The following KLRD1 variants were observed in gnomAD, a reference collection of about 807,000 sequenced individuals.
The protein encoded by KLRD1 is killer cell lectin like receptor D1, also known as natural killer cells antigen CD94.
A neutral mutation model predicts 22.6 loss-of-function variants in KLRD1; 21 were observed. The ratio of observed to expected loss-of-function variants is 0.93; its 90% CI spans 0.66 to 1.34. KLRD1 has a LOEUF of 1.34. Ranked by LOEUF, KLRD1 falls within the 40% of genes most tolerant of loss-of-function variation. The pLI, the probability that KLRD1 is intolerant of heterozygous loss-of-function variation, is 0.00. For synonymous variants in KLRD1, 59 were observed against 71.1 expected, an observed-to-expected ratio of 0.83 and a Z score of 0.85; for missense variants, 183 against 208.6, an observed-to-expected ratio of 0.88 and a Z score of 0.76.
At chr12:10,313,648 A>C (rs1172389329) in intron 5 of KLRD1, 135 bp downstream of exon 5, 1 of 482,622 alleles carries the variant, frequency 2.1e-6, no homozygotes, top group East Asian at 3.3e-5. Flanking sequence ...AAAAGGAAAA[A>C]GTACAACAAA....
chr12:10,242,834 A>G (rs1949253868), intron 1 of KLRD1, among the ~76,000 whole-genome samples: 1 of 152,158 alleles, frequency 6.6e-6, no homozygotes, highest in African/African-American at 2.4e-5. Flanking sequence ...GTCCATTTGC[A>G]TGTCTTCTTT....
chr12:10,295,325 C>G (rs1045981504), intron 1 of KLRD1, among the ~76,000 whole-genome samples: 1 of 152,020 alleles, frequency 6.6e-6, no homozygotes, highest in Non-Finnish European at 1.5e-5. Flanking sequence ...AAAGTTGTCT[C>G]TGTCTCCCTT....
upstream of KLRD1, chr12:10,307,838 C>T (rs2137687176): frequency 6.5e-6 from 3 of 458,528 alleles, no homozygotes; most frequent in South Asian, 8.6e-5. Context: ...GTTCCTGGAA[C>T]ACTTCAGAGG....
chr12:10,281,348 A>G (rs1188497581), intron 1 of KLRD1, among the ~76,000 whole-genome samples: 1 of 152,194 alleles, frequency 6.6e-6, no homozygotes, highest in African/African-American at 2.4e-5. Flanking sequence ...AAACTGTAAG[A>G]GAATAATTTT....
intron 1 of KLRD1, among the ~76,000 whole-genome samples, chr12:10,257,355 T>C (rs868193804): frequency 6.6e-6 from 1 of 151,162 alleles, no homozygotes; most frequent in African/African-American, 2.4e-5. Flanking sequence ...TTATAATGGG[T>C]ATATTGGTCT....
intron 4 of KLRD1, among the ~76,000 whole-genome samples, chr12:10,312,718 A>G (rs1177031092): frequency 6.7e-6 from 1 of 148,936 alleles, no homozygotes; most frequent in Non-Finnish European, 1.5e-5. Context: ...GGCCGGGCGC[A>G]GTGGCTGAAA....
At chr12:10,295,332 C>T (rs1397178622) in intron 1 of KLRD1, among the ~76,000 whole-genome samples, 1 of 151,544 alleles carries the variant, frequency 6.6e-6, no homozygotes, top group Admixed American at 6.6e-5. Flanking sequence ...TCTCTGTCTC[C>T]CTTGTGACAC....
At chr12:10,258,967 G>A (rs1429451574) in intron 1 of KLRD1, among the ~76,000 whole-genome samples, 3 of 152,180 alleles carry the variant, frequency 2.0e-5, no homozygotes, top group Admixed American at 6.5e-5. Flanking sequence ...AGCAAAAGGA[G>A]CAATGAGCAG....
chr12:10,328,529 G>A lies in KLRD1; in HGVS notation c.*13736G>A, dbSNP rs1950381407. 6.6e-6 allele frequency: 1 copy of A among 151,600 alleles called. No individual in the cohort carries two copies. Among genetic ancestry groups the A allele is most frequent in the African/African-American group, 2.4e-5 (1 of 41,272 alleles). 9.4% of individuals were successfully genotyped at this position (151,600 alleles called of 1,614,324 possible). A position where few individuals can be genotyped will look rare whatever the true frequency, so the allele number is the denominator to read the frequency against. On this transcript the variant is annotated 3_prime_UTR_variant, in exon 6 of 6. Coordinates refer to ENST00000336164, the MANE Select transcript of KLRD1 (RefSeq NM_002262.5). ...TTATTTCTGATTTCATTTATTTAAG[G>A]CCTCTCTTCTTTTTCTTAGTCTAGC...
chr12:10,268,859 A>G (rs1949523723), intron 1 of KLRD1, among the ~76,000 whole-genome samples: 3 of 152,198 alleles, frequency 2.0e-5, no homozygotes, highest in Non-Finnish European at 4.4e-5. Context: ...TCTCCTATTG[A>G]AACATCTCTT....
chr12:10,252,189 C>T (rs1375808787), intron 1 of KLRD1, among the ~76,000 whole-genome samples: 1 of 152,144 alleles, frequency 6.6e-6, no homozygotes, highest in South Asian at 2.1e-4. Context: ...ATAATCCCAG[C>T]ACTTTGGGAG....
At chr12:10,255,883 ATTG>A (rs766477876) in intron 1 of KLRD1, among the ~76,000 whole-genome samples, 9 of 151,814 alleles carry the variant, frequency 5.9e-5, no homozygotes, top group Non-Finnish European at 1.3e-4. Flanking sequence ...CTACTTTCTT[ATTG>A]TTCTGGTTGT....
At chr12:10,244,422 C>G (rs1949271873) in intron 1 of KLRD1, among the ~76,000 whole-genome samples, 1 of 152,052 alleles carries the variant, frequency 6.6e-6, no homozygotes, top group Non-Finnish European at 1.5e-5. Flanking sequence ...GTATCAAGCT[C>G]TAGAAACCAG....
chr12:10,240,783 C>T lies in KLRD1; in HGVS notation c.-101+14550C>T, dbSNP rs142550900. On this transcript the variant is annotated intron_variant, in intron 1 of 5. Transcript: ENST00000544747. Reference sequence around the variant, plus strand: ...ATTTTTAAGTACATTTAAGTCAGTACATTTTCTGTTTTTAAGTAAATTATA... The same window carrying T: ...ATTTTTAAGTACATTTAAGTCAGTATATTTTCTGTTTTTAAGTAAATTATA... Among the ~76,000 whole-genome samples the T allele has an allele frequency of 2.6e-4, 39 of 152,270 alleles. 1 individual carries two copies. Among genetic ancestry groups the T allele is most frequent in the African/African-American group, 8.9e-4 (37 of 41,542 alleles).
intron 1 of KLRD1, among the ~76,000 whole-genome samples, chr12:10,264,400 C>T (rs750663908): frequency 3.9e-5 from 6 of 152,122 alleles, no homozygotes; most frequent in Admixed American, 6.5e-5. Flanking sequence ...GTATTCACTA[C>T]ACTTAAACTA....
intron 5 of KLRD1, among the ~76,000 whole-genome samples, chr12:10,314,441 A>G (rs1224223974): frequency 1.3e-5 from 2 of 152,196 alleles, no homozygotes; most frequent in Non-Finnish European, 2.9e-5. Context: ...CAACAGAAAA[A>G]CAGCAAGGAA....
rs577372206 is a variant in KLRD1, at chr12:10,323,271, T to C, written c.*8478T>C. Reference sequence around the variant, plus strand: ...AGTGATAATTTATTCATAAAGCTTATTTATAATTTCACTGGCAGTTTATGT... The same window carrying C: ...AGTGATAATTTATTCATAAAGCTTACTTATAATTTCACTGGCAGTTTATGT... On this transcript the variant is annotated 3_prime_UTR_variant, in exon 6 of 6. Coordinates refer to ENST00000336164, the MANE Select transcript of KLRD1 (RefSeq NM_002262.5). The C allele has an allele frequency of 1.3e-5, 2 of 152,362 alleles. No homozygotes were observed. Among genetic ancestry groups the C allele is most frequent in the East Asian group, 3.8e-4 (2 of 5,196 alleles). 9.4% of individuals were successfully genotyped at this position (152,362 alleles called of 1,614,324 possible).
rs1950270595 is a variant in KLRD1, at chr12:10,318,146, T to C, written c.*3353T>C. ...ATATTGCATGCATAAGAAAGTGAGT[T>C]ATTTTACAGCTGAACTGGGACAGCT... is the stretch of plus-strand genomic sequence containing the variant. On this transcript the variant is annotated 3_prime_UTR_variant, in exon 6 of 6. Coordinates refer to ENST00000336164, the MANE Select transcript of KLRD1 (RefSeq NM_002262.5). 6.6e-6 allele frequency: 1 copy of C among 152,206 alleles called. No individual in the cohort carries two copies. Among genetic ancestry groups the C allele is most frequent in the Non-Finnish European group, 1.5e-5 (1 of 68,034 alleles). The allele number at this position is 152,206 out of a possible 1,614,324, so 9.4% of individuals were successfully genotyped here.
rs1012350892 is a variant in KLRD1, at chr12:10,320,534, T to C, written c.*5741T>C. ...CAACTAGAGTGTTGAATATCTTGTC[T>C]GATTTCTTCCTACTACTTATATTAC... On this transcript the variant is annotated 3_prime_UTR_variant, in exon 6 of 6. Transcript: ENST00000336164. The C allele has an allele frequency of 6.6e-6, 1 of 152,234 alleles. No homozygotes were observed. The highest frequency in any genetic ancestry group is 2.4e-5 in the African/African-American group (1 of 41,458). The allele number at this position is 152,234 out of a possible 1,614,324, so 9.4% of individuals were successfully genotyped here. A position where few individuals can be genotyped will look rare whatever the true frequency, so the allele number is the denominator to read the frequency against.
Sources: gnomAD v4.1 joint callset for allele counts (sites outside exome capture counted in the v4.1 genomes callset) on GRCh38, gnomAD v4.1.1 for gene constraint, MANE v1.5 for transcripts, NCBI Gene and HGNC (gene_info 2026-07-23, HGNC 2026-07-21) for gene names.